Variants in TBCD observed in about 807,000 individuals in gnomAD.
The protein encoded by TBCD is tubulin-specific chaperone D.
TBCD carries 105 observed loss-of-function variants against 169.3 expected under a neutral mutation model. The observed-to-expected ratio is 0.62, with a 90% CI of 0.53 to 0.73. TBCD has a LOEUF of 0.73. Among genes scored for constraint, TBCD ranks in the 30% least tolerant of loss-of-function variants. The probability of loss-of-function intolerance (pLI) is 0.00; values close to 1 mark genes in which losing one functional copy is unlikely to be tolerated. For missense variants in TBCD, 1,444 were observed against 1,600.1 expected (o/e 0.90, Z 1.66); for synonymous variants, 700 against 643.9 (o/e 1.09, Z -1.32).
chr17:82,833,685 C>G lies in TBCD; in HGVS notation c.1318+18751C>G, dbSNP rs571373367. Among the ~76,000 whole-genome samples the G allele has an allele frequency of 6.6e-6, 1 of 152,132 alleles. No homozygotes were observed. The highest frequency in any genetic ancestry group is 1.9e-4 in the East Asian group (1 of 5,178). ...ACCAAAGCTTTGCCACACTCCTGCC[C>G]GAGAGGAGACCAGAGTGAGTAGTAT... On this transcript the variant is annotated intron_variant, in intron 13 of 38. Transcript: ENST00000355528. The surrounding 1 kb of genome is among the most constrained non-coding windows in gnomAD (Gnocchi z 4.7).
In TBCD at chr17:82,874,880, G is replaced by C. The variant is rs2057857920; in HGVS notation, c.1475+4500G>C. ...CAATTTGGGAACGTGATACAATCTTGATTTCTCTAACTTTCACAAGTTCTT... is the reference window on the plus strand; with the variant it reads ...CAATTTGGGAACGTGATACAATCTTCATTTCTCTAACTTTCACAAGTTCTT... On this transcript the variant is annotated intron_variant, in intron 14 of 38. Coordinates refer to ENST00000355528, the MANE Select transcript of TBCD (RefSeq NM_005993.5). This position sits in a 1 kb window ranked among gnomAD's most constrained non-coding sequence, Gnocchi z 5.0. 6.6e-6 allele frequency among the ~76,000 whole-genome samples: 1 copy of C among 152,220 alleles called. No individual in the cohort carries two copies. Among genetic ancestry groups the C allele is most frequent in the South Asian group, 2.1e-4 (1 of 4,834 alleles).
rs117093330 is a variant in TBCD, at chr17:82,918,888, G to A, written c.2039-1668G>A. On this transcript the variant is annotated intron_variant, in intron 23 of 38. Coordinates refer to ENST00000355528, the MANE Select transcript of TBCD (RefSeq NM_005993.5). Reference sequence around the variant, plus strand: ...ACTCTGTTCAGAGCTGAAAGGATTCGCGCTGGGACAAAGGCGTGTCACTTG... The same window carrying A: ...ACTCTGTTCAGAGCTGAAAGGATTCACGCTGGGACAAAGGCGTGTCACTTG... The A allele has an allele frequency of 2.0e-4, 30 of 152,326 alleles. No homozygotes were observed. In the East Asian group the frequency reaches 3.9e-3, roughly 20 times the overall value. 9.4% of individuals were successfully genotyped at this position (152,326 alleles called of 1,614,324 possible). A position where few individuals can be genotyped will look rare whatever the true frequency, so the allele number is the denominator to read the frequency against.
intron 23 of TBCD, chr17:82,914,014 G>A (rs2060850901): frequency 1.3e-5 from 2 of 152,280 alleles, no homozygotes; most frequent in African/African-American, 4.8e-5. Context: ...GGTTCTAGTT[G>A]GGCTTTTTGA....
intron 7 of TBCD, among the ~76,000 whole-genome samples, chr17:82,783,375 T>A (rs1409539951): frequency 6.6e-6 from 1 of 152,234 alleles, no homozygotes; most frequent in Non-Finnish European, 1.5e-5. Context: ...AATCAAGATA[T>A]AATTCACATA....
At position 82,930,935 on chromosome 17, in the gene TBCD, T is replaced by C. The variant is rs1332381319; in HGVS notation, c.3113+292T>C. ...TAGTATGAGTACAAGGTGGTCCCTG[T>C]GTGTAGGAAGGCGTTGTGGGAGCTC... On this transcript the variant is annotated intron_variant, in intron 33 of 38. Coordinates refer to ENST00000355528, the MANE Select transcript of TBCD (RefSeq NM_005993.5). The surrounding 1 kb of genome is among the most constrained non-coding windows in gnomAD (Gnocchi z 5.2). 2.0e-5 allele frequency among the ~76,000 whole-genome samples: 3 copies of C among 152,144 alleles called. No individual in the cohort carries two copies. The highest frequency in any genetic ancestry group is 2.9e-5 in the Non-Finnish European group (2 of 68,014).
intron 5 of TBCD, 94 bp downstream of exon 5, chr17:82,768,660 A>G (rs1051597544): frequency 1.4e-6 from 2 of 1,406,336 alleles, no homozygotes; most frequent in Non-Finnish European, 1.9e-6. Context: ...AGCTTCTGAT[A>G]TGTATTCAAC....
At chr17:82,800,355 TCA>T (rs2050417387) in intron 8 of TBCD, among the ~76,000 whole-genome samples, 1 of 152,114 alleles carries the variant, frequency 6.6e-6, no homozygotes, top group Non-Finnish European at 1.5e-5. Context: ...GCTATTGTCA[TCA>T]CTGCATGACA....
In TBCD at chr17:82,766,510, T is replaced by C. The variant is rs986417373; in HGVS notation, c.435+142T>C. 1.4e-5 allele frequency: 8 copies of C among 561,598 alleles called. No individual in the cohort carries two copies. In the Admixed American group the frequency reaches 2.9e-4, roughly 21 times the overall value. 34.8% of individuals were successfully genotyped at this position (561,598 alleles called of 1,614,324 possible). ...TTTGTGTCACTCCTCTTTTCTTTCT[T>C]TTCTTTTCACTTTTCCTTTACTTCT... On this transcript the variant is annotated intron_variant, in intron 4 of 38. Transcript: ENST00000355528.
At chr17:82,899,391 C>T (rs923788184) in intron 17 of TBCD, among the ~76,000 whole-genome samples, 3 of 149,926 alleles carry the variant, frequency 2.0e-5, no homozygotes, top group African/African-American at 4.9e-5. Context: ...CCTCAGCACG[C>T]GTGTCCTCAG....
At chr17:82,886,151 C>T (rs2058692992) in intron 15 of TBCD, 1 of 152,260 alleles carries the variant, frequency 6.6e-6, no homozygotes, top group South Asian at 2.1e-4. Context: ...CCTGCATTGC[C>T]CTGGTGCTCC....
chr17:82,941,683 TCCAG>T, intron 38 of TBCD, 200 bp downstream of exon 38: 1 of 571,986 alleles, frequency 1.7e-6, no homozygotes, highest in Non-Finnish European at 3.1e-6. Flanking sequence ...CCCTGTGGCA[TCCAG>T]GCCACTTGCT....
chr17:82,905,923 C>T lies in TBCD; in HGVS notation c.1805-13C>T, dbSNP rs1236849140. ...CACACCCTCACCTGCCCTCTCGGCC[C>T]TGTCTCTTGCAGTCTTCCCGAGGCT... On this transcript the variant is annotated splice_polypyrimidine_tract_variant and intron_variant, in intron 19 of 38. Coordinates refer to ENST00000355528, the MANE Select transcript of TBCD (RefSeq NM_005993.5). The T allele has an allele frequency of 4.4e-6, 7 of 1,602,706 alleles. No individual in the cohort carries two copies. In the South Asian group the frequency reaches 4.5e-5, roughly 10 times the overall value.
chr17:82,766,944 A>C (rs1198212378), intron 4 of TBCD, among the ~76,000 whole-genome samples: 1 of 152,234 alleles, frequency 6.6e-6, no homozygotes, highest in Admixed American at 6.5e-5. Flanking sequence ...CTTGGTGCCC[A>C]GAGCTTTCAC....
intron 13 of TBCD, among the ~76,000 whole-genome samples, chr17:82,837,907 G>T (rs7225515): frequency 7.9e-5 from 12 of 152,126 alleles, no homozygotes; most frequent in African/African-American, 2.9e-4. Flanking sequence ...ACTAAAGGGC[G>T]TAAGAACAGT....
At chr17:82,783,604 G>C (rs929789103) in intron 7 of TBCD, among the ~76,000 whole-genome samples, 5 of 152,304 alleles carry the variant, frequency 3.3e-5, no homozygotes, top group Non-Finnish European at 7.3e-5. Context: ...AGTCGTACAC[G>C]ACACAGCCTT....
At chr17:82,925,554 G>A (rs150804906) in intron 27 of TBCD, among the ~76,000 whole-genome samples, 3 of 152,156 alleles carry the variant, frequency 2.0e-5, no homozygotes, top group East Asian at 3.9e-4. Context: ...TCTCCCCTCC[G>A]GCCACCTGGC....
chr17:82,893,510 A>G, intron 16 of TBCD, 37 bp from the exon 17 acceptor site: 1 of 1,491,832 alleles, frequency 6.7e-7, no homozygotes, highest in Non-Finnish European at 9.2e-7. Flanking sequence ...TGTTCATTCA[A>G]ATTCTTCTTT....
At chr17:82,899,827 G>C (rs2059767781) in intron 17 of TBCD, among the ~76,000 whole-genome samples, 1 of 152,268 alleles carries the variant, frequency 6.6e-6, no homozygotes, top group South Asian at 2.1e-4. Context: ...CATTCGAGTG[G>C]GGGTAACGAT....
chr17:82,843,863 C>T (rs540708847), intron 13 of TBCD, among the ~76,000 whole-genome samples: 15 of 152,360 alleles, frequency 9.8e-5, no homozygotes, highest in Admixed American at 5.2e-4. Context: ...CTTCCCCACC[C>T]AGACCGTGGC....
Sources: allele counts gnomAD v4.1 joint callset (sites outside exome capture counted in the v4.1 genomes callset), GRCh38; gene constraint gnomAD v4.1.1; non-coding constraint Gnocchi (gnomAD v3.1); transcripts MANE v1.5; gene names NCBI Gene and HGNC (gene_info 2026-07-23, HGNC 2026-07-21).